PAX1: variants seen among roughly 807,000 people sequenced by gnomAD.
The protein encoded by PAX1 is paired box 1, also known as paired box protein Pax-1.
A neutral mutation model predicts 35.6 loss-of-function variants in PAX1; 18 were observed. The ratio of observed to expected loss-of-function variants is 0.50; its 90% confidence interval spans 0.35 to 0.75. PAX1 has a LOEUF of 0.75. Ranked by LOEUF, PAX1 falls within the 30% of genes least tolerant of loss-of-function variation. The probability of loss-of-function intolerance (pLI) is 0.01; values close to 1 mark genes in which losing one functional copy is unlikely to be tolerated. For synonymous variants in PAX1, 397 were observed against 305.2 expected (o/e 1.30, Z -3.14); for missense variants, 760 against 661.5 (o/e 1.15, Z -1.63).
At chr20:21,708,510 C>CA in intron 2 of PAX1, 48 bp from the exon 3 acceptor site, 3 of 1,610,292 alleles carry the variant, frequency 1.9e-6, no homozygotes, top group Non-Finnish European at 1.7e-6. Flanking sequence ...CACGTGTGCC[C>CA]AGGGCAGATT....
At chr20:21,710,444 G>A (rs1001285928) in intron 4 of PAX1, among the ~76,000 whole-genome samples, 4 of 152,206 alleles carry the variant, frequency 2.6e-5, no homozygotes, top group Non-Finnish European at 4.4e-5. Context: ...ACCCCAGGTC[G>A]TCCCAGCCCC....
chr20:21,711,655 A>G (rs908414539), intron 4 of PAX1, among the ~76,000 whole-genome samples: 2 of 152,336 alleles, frequency 1.3e-5, no homozygotes, highest in African/African-American at 4.8e-5. Context: ...TAACTTGGGG[A>G]CACCATTAGC....
rs1463455043 is a variant in PAX1, at chr20:21,714,810, G to GTA, written c.*249_*250dup. On this transcript the variant is annotated 3_prime_UTR_variant, in exon 5 of 5. Transcript: ENST00000613128. ...CTCTGAACTTGGGTTTTAGACTGCC[G>GTA]TACCCTCCTCACAATCCTTGCTCTG... 2.5e-6 allele frequency: 4 copies of GTA among 1,596,740 alleles called. No homozygotes were observed. The Admixed American group carries it at 6.7e-5, about 27-fold the overall frequency.
chr20:21,714,391 G>T, intron 4 of PAX1, 80 bp from the exon 5 acceptor site: 1 of 1,046,608 alleles, frequency 9.6e-7, no homozygotes, highest in Non-Finnish European at 1.4e-6. Context: ...ACCTCGCTCT[G>T]CAGGCGTCCT....
chr20:21,706,386 C>A lies in PAX1; in HGVS notation c.287-52C>A. On this transcript the variant is annotated intron_variant, in intron 1 of 4. Coordinates refer to ENST00000613128, the MANE Select transcript of PAX1 (RefSeq NM_001257096.2). The surrounding 1 kb of genome is among the most constrained non-coding windows in gnomAD (Gnocchi z 5.3). The stretch of plus-strand genomic sequence containing the variant: ...CTCCGCGTGGGGACCCTTGGCTAAC[C>A]CGCCGGGTGTTTTCTCCCCCTCCGG... 1 of 1,605,658 alleles carries A rather than the reference C, an allele frequency of 6.2e-7. No homozygotes were observed.
intron 4 of PAX1, among the ~76,000 whole-genome samples, chr20:21,711,111 A>G (rs1343748682): frequency 6.6e-6 from 1 of 152,250 alleles, no homozygotes. Context: ...AAAATTTACC[A>G]CATTACACAA....
Position 21,706,152 on chromosome 20 carries a change from G to A in PAX1, c.286+154G>A, listed in dbSNP as rs1984985373. On this transcript the variant is annotated intron_variant, in intron 1 of 4. Transcript: ENST00000613128. This position sits in a 1 kb window ranked among gnomAD's most constrained non-coding sequence, Gnocchi z 5.3. Reference sequence around the variant, plus strand: ...TCTGATCCCCAGCCTTCAGGGGGCAGTTGAGCAAGTCTGGGAAGGGAGTGT... The same window carrying A: ...TCTGATCCCCAGCCTTCAGGGGGCAATTGAGCAAGTCTGGGAAGGGAGTGT... 2 of 797,466 alleles carry A rather than the reference G, an allele frequency of 2.5e-6. No homozygotes were observed. The highest frequency in any genetic ancestry group is 4.2e-6 in the Non-Finnish European group (2 of 476,592). 49.4% of individuals were successfully genotyped at this position (797,466 alleles called of 1,614,324 possible).
At position 21,707,015 on chromosome 20, in the gene PAX1, G is replaced by A; in HGVS notation, c.864G>A (p.Ser288=). ...TCAGCATCCCGCGCTCATGGCCCTC[G>A]GCACACTCGGTCAGCAACATCCTGG... ...GHVSIPRSWP[S]AHSVSNILGI... The change falls in exon 2 of 5, where the codon TCG becomes TCA. Residue 288 remains serine, a synonymous_variant. Transcript: ENST00000613128. The A allele has an allele frequency of 1.2e-6, 2 of 1,613,090 alleles. No individual in the cohort carries two copies. The highest frequency in any genetic ancestry group is 1.7e-6 in the Non-Finnish European group (2 of 1,180,020).
At position 21,716,893 on chromosome 20, in the gene PAX1, C is replaced by T. The variant is rs1985387718; in HGVS notation, c.*2331C>T. ...CTGCCTGGAGAAGGACTGGCTTGCTCAGGCCAGGAGGAAGACATCACATCC... is the reference window on the plus strand; with the variant it reads ...CTGCCTGGAGAAGGACTGGCTTGCTTAGGCCAGGAGGAAGACATCACATCC... On this transcript the variant is annotated 3_prime_UTR_variant, in exon 5 of 5. Coordinates refer to ENST00000613128, the MANE Select transcript of PAX1 (RefSeq NM_001257096.2). 2 of 152,194 alleles carry T rather than the reference C, an allele frequency of 1.3e-5. No individual in the cohort carries two copies. Among genetic ancestry groups the T allele is most frequent in the South Asian group, 4.1e-4 (2 of 4,826 alleles). The allele number at this position is 152,194 out of a possible 1,614,324, so 9.4% of individuals were successfully genotyped here.
rs1985326325 is a variant in PAX1 at position 21,715,088 on chromosome 20, T to C, written c.*526T>C. Reference sequence around the variant, plus strand: ...CCCGCTTCTTCCCCCGTCTCCTCTTTCTAGTCCTCTATATGCTATCAGCCC... The same window carrying C: ...CCCGCTTCTTCCCCCGTCTCCTCTTCCTAGTCCTCTATATGCTATCAGCCC... On this transcript the variant is annotated 3_prime_UTR_variant, in exon 5 of 5. Transcript: ENST00000613128. 1 of 549,778 alleles carries C rather than the reference T, an allele frequency of 1.8e-6. No individual in the cohort carries two copies. The highest frequency in any genetic ancestry group is 3.3e-6 in the Non-Finnish European group (1 of 307,666). 34.1% of individuals were successfully genotyped at this position (549,778 alleles called of 1,614,324 possible).
At position 21,709,375 on chromosome 20, in the gene PAX1, G is replaced by A. The variant is rs1341048925; in HGVS notation, c.1213G>A (p.Gly405Arg). 2.6e-6 allele frequency: 4 copies of A among 1,567,016 alleles called. No homozygotes were observed. The highest frequency in any genetic ancestry group is 2.7e-5 in the African/African-American group (2 of 74,256). ...GCAAGGTCCTCCTCTGGCGCCCCCC[G>A]GGGCCGGCGTAGCTGTGCATGGCGG... ...PAQGPPLAPP[G>R]AGVAVHGGEL... Residue 405 changes from glycine to arginine, a missense_variant, in exon 4 of 5, where the codon GGG becomes AGG. Transcript: ENST00000613128.
rs1237066605 is a variant in PAX1 at position 21,717,880 on chromosome 20, T to A, written c.*3318T>A. The A allele has an allele frequency of 6.6e-6, 1 of 152,190 alleles. No homozygotes were observed. Among genetic ancestry groups the A allele is most frequent in the African/African-American group, 2.4e-5 (1 of 41,454 alleles). 9.4% of individuals were successfully genotyped at this position (152,190 alleles called of 1,614,324 possible). The stretch of plus-strand genomic sequence containing the variant: ...CTGCTCTCATTTTTGTTCTTAAAGG[T>A]GAATGCTGTTATAGTCTTTTGTGAA... On this transcript the variant is annotated 3_prime_UTR_variant, in exon 5 of 5. Transcript: ENST00000613128.
chr20:21,713,212 T>C (rs193215969), intron 4 of PAX1, among the ~76,000 whole-genome samples: 2 of 152,202 alleles, frequency 1.3e-5, no homozygotes, highest in Non-Finnish European at 2.9e-5. Context: ...CACTTTGAAG[T>C]GTGTGTCCAC....
At chr20:21,711,451 T>C (rs1321149502) in intron 4 of PAX1, among the ~76,000 whole-genome samples, 1 of 152,258 alleles carries the variant, frequency 6.6e-6, no homozygotes, top group African/African-American at 2.4e-5. Flanking sequence ...GAAGACACTT[T>C]CCTTTTCAGA....
chr20:21,711,729 A>G (rs1336793591), intron 4 of PAX1, among the ~76,000 whole-genome samples: 1 of 152,242 alleles, frequency 6.6e-6, no homozygotes, highest in Non-Finnish European at 1.5e-5. Flanking sequence ...ATAATCATTC[A>G]TTATCTATCT....
rs1985426151 is a variant in PAX1 at position 21,717,927 on chromosome 20, T to C, written c.*3365T>C. 1 of 152,226 alleles carries C rather than the reference T, an allele frequency of 6.6e-6. No homozygotes were observed. The highest frequency in any genetic ancestry group is 2.4e-5 in the African/African-American group (1 of 41,454). The allele number at this position is 152,226 out of a possible 1,614,324, so 9.4% of individuals were successfully genotyped here. On this transcript the variant is annotated 3_prime_UTR_variant, in exon 5 of 5. Coordinates refer to ENST00000613128, the MANE Select transcript of PAX1 (RefSeq NM_001257096.2). ...TGAATCTTTCCAGGAAAAACATGCATGCGGGAAAATATGTTTCTGTCTATG... is the reference window on the plus strand; with the variant it reads ...TGAATCTTTCCAGGAAAAACATGCACGCGGGAAAATATGTTTCTGTCTATG...
In PAX1 at chr20:21,716,228, C is replaced by G. The variant is rs186185306; in HGVS notation, c.*1666C>G. 250 of 152,108 alleles carry G rather than the reference C, an allele frequency of 1.6e-3. No homozygotes were observed. The highest frequency in any genetic ancestry group is 5.6e-3 in the African/African-American group (234 of 41,428). 9.4% of individuals were successfully genotyped at this position (152,108 alleles called of 1,614,324 possible). A position where few individuals can be genotyped will look rare whatever the true frequency, so the allele number is the denominator to read the frequency against. On this transcript the variant is annotated 3_prime_UTR_variant, in exon 5 of 5. Transcript: ENST00000613128. The stretch of plus-strand genomic sequence containing the variant: ...AGACAATCCCAGGCTACCAAGTAAT[C>G]TAGGGGGTTTGCACTACAAAGGGGC...
chr20:21,718,147 G>A lies in PAX1; in HGVS notation c.*3585G>A, dbSNP rs534309882. Reference sequence around the variant, plus strand: ...CAGCTTCGTGCTTTAAATGAATAAAGACAGGATTTTGTTGTGTTCATTATT... The same window carrying A: ...CAGCTTCGTGCTTTAAATGAATAAAAACAGGATTTTGTTGTGTTCATTATT... On this transcript the variant is annotated 3_prime_UTR_variant, in exon 5 of 5. Transcript: ENST00000613128. 3 of 152,316 alleles carry A rather than the reference G, an allele frequency of 2.0e-5. No individual in the cohort carries two copies. The South Asian group carries it at 6.2e-4, about 32-fold the overall frequency. 9.4% of individuals were successfully genotyped at this position (152,316 alleles called of 1,614,324 possible).
rs17861029 is a variant in PAX1 at position 21,706,302 on chromosome 20, C to G, written c.287-136C>G. ...GACCCAGGCGGTTTGCCCTTGGACT[C>G]CGAGCTGTCTGGGGACCCACAGGTC... On this transcript the variant is annotated intron_variant, in intron 1 of 4. Coordinates refer to ENST00000613128, the MANE Select transcript of PAX1 (RefSeq NM_001257096.2). This position sits in a 1 kb window ranked among gnomAD's most constrained non-coding sequence, Gnocchi z 5.3. 1 of 1,227,472 alleles carries G rather than the reference C, an allele frequency of 8.1e-7. No individual in the cohort carries two copies. The highest frequency in any genetic ancestry group is 1.2e-5 in the South Asian group (1 of 81,878). The allele number at this position is 1,227,472 out of a possible 1,614,324, so 76.0% of individuals were successfully genotyped here.
Sources: gnomAD v4.1 joint callset for allele counts (sites outside exome capture counted in the v4.1 genomes callset) on GRCh38, gnomAD v4.1.1 for gene constraint, Gnocchi (gnomAD v3.1) non-coding constraint, MANE v1.5 for transcripts, NCBI Gene and HGNC (gene_info 2026-07-23, HGNC 2026-07-21) for gene names.